Variants in IFIH1 observed in about 807,000 individuals in gnomAD.
The protein encoded by IFIH1 is interferon induced with helicase C domain 1.
IFIH1 carries 125 observed loss-of-function variants against 107.4 expected under a neutral mutation model. That is an observed-to-expected ratio of 1.16 (90% confidence interval 1.01 to 1.35). The LOEUF is 1.35. IFIH1 is among the 40% of genes most tolerant of loss of function. IFIH1 has a pLI of 0.00. For missense variants in IFIH1, 1,333 were observed against 1,213.7 expected (o/e 1.10, Z -1.46); for synonymous variants, 458 against 413.2 (o/e 1.11, Z -1.31).
chr2:162,280,912 A>G (rs962222807), intron 7 of IFIH1, among the ~76,000 whole-genome samples: 4 of 152,038 alleles, frequency 2.6e-5, no homozygotes, highest in African/African-American at 9.7e-5. Flanking sequence ...AATTACCTAG[A>G]TTCCTAGAAT....
chr2:162,286,413 A>C (rs1049793166), intron 5 of IFIH1, among the ~76,000 whole-genome samples: 3 of 151,940 alleles, frequency 2.0e-5, no homozygotes, highest in African/African-American at 7.2e-5. Flanking sequence ...CCTTGATATT[A>C]GGAAGTTACC....
At chr2:162,315,667 A>C (rs1180097900) in intron 1 of IFIH1, among the ~76,000 whole-genome samples, 1 of 152,234 alleles carries the variant, frequency 6.6e-6, no homozygotes, top group African/African-American at 2.4e-5. Flanking sequence ...AAAGTAACGC[A>C]TATAGTAAGA....
At position 162,277,565 on chromosome 2, in the gene IFIH1, C is replaced by T; in HGVS notation, c.1894G>A (p.Glu632Lys). The change falls in exon 10 of 16, where the codon GAA (glutamate) becomes AAA (lysine). Residue 632 changes from glutamate (E) to lysine (K), a missense_variant. Physicochemically the swap from Glu to Lys is moderately conservative, Grantham distance 56 (BLOSUM62 1). Transcript: ENST00000649979. ...ACTGCAAACTTCTTATCTTTCTCTT[C>T]ATTATAGAAAGTTTCAAGATGAGTA... ...AYTHLETFYN[E>K]EKDKKFAVIE... 1 of 1,605,132 alleles carries T rather than the reference C, an allele frequency of 6.2e-7. No homozygotes were observed. Among genetic ancestry groups the T allele is most frequent in the East Asian group, 2.2e-5 (1 of 44,788 alleles).
chr2:162,282,280 G>T (rs34513934), intron 6 of IFIH1, 86 bp downstream of exon 6: 16 of 818,042 alleles, frequency 2.0e-5, no homozygotes, highest in Non-Finnish European at 2.8e-5. Context: ...TTTAAGCCAC[G>T]AACATTTAAA....
chr2:162,290,943 G>A lies in IFIH1; in HGVS notation c.875-2588C>T, dbSNP rs1024548386. ...GTTTTCTCTTCTGTGTCAGCAGAAG[G>A]AGAGAACTGGGCTGGTATCAATGAG... On this transcript the variant is annotated intron_variant, in intron 4 of 15. Coordinates refer to ENST00000649979, the MANE Select transcript of IFIH1 (RefSeq NM_022168.4). 8.6e-5 allele frequency among the ~76,000 whole-genome samples: 13 copies of A among 151,938 alleles called. No homozygotes were observed. In the East Asian group the frequency reaches 2.3e-3, roughly 27 times the overall value.
chr2:162,273,655 TA>T, intron 12 of IFIH1, 139 bp downstream of exon 12: 1 of 642,952 alleles, frequency 1.6e-6, no homozygotes, highest in Non-Finnish European at 2.6e-6. Context: ...CACAGCATTT[TA>T]AAAATGCTCT....
At chr2:162,268,384 C>T in intron 13 of IFIH1, 107 bp from the exon 14 acceptor site, 1 of 666,618 alleles carries the variant, frequency 1.5e-6, no homozygotes, top group Non-Finnish European at 2.5e-6. Flanking sequence ...AAAATATACC[C>T]TTAGCTTATG....
At chr2:162,276,664 GT>G (rs777991768) in intron 11 of IFIH1, 22 bp downstream of exon 11, 7 of 1,577,844 alleles carry the variant, frequency 4.4e-6, no homozygotes, top group Non-Finnish European at 6.0e-6. Context: ...AAGAAAAGAA[GT>G]CGTCCAAAAG....
Position 162,310,693 on chromosome 2 carries a change from T to C in IFIH1, c.622+72A>G, listed in dbSNP as rs746126941. 3.1e-6 allele frequency: 4 copies of C among 1,288,182 alleles called. No homozygotes were observed. The South Asian group carries it at 4.9e-5, about 16-fold the overall frequency. The allele number at this position is 1,288,182 out of a possible 1,614,324, so 79.8% of individuals were successfully genotyped here. A position where few individuals can be genotyped will look rare whatever the true frequency, so the allele number is the denominator to read the frequency against. ...AAAAATCTTGGTGTTTAGCATTGTG[T>C]CTTTCTGCTTTATTGAATTCTCAAT... On this transcript the variant is annotated intron_variant, in intron 2 of 15. Transcript: ENST00000649979.
chr2:162,294,219 C>T (rs113260199), intron 3 of IFIH1, among the ~76,000 whole-genome samples: 154 of 151,968 alleles, frequency 1.0e-3, no homozygotes, highest in African/African-American at 3.5e-3. Flanking sequence ...GTACTAGAAG[C>T]TCATGTGAGG....
intron 9 of IFIH1, 108 bp downstream of exon 9, chr2:162,278,097 T>G: frequency 1.1e-6 from 1 of 899,418 alleles, no homozygotes; most frequent in Non-Finnish European, 1.7e-6. Flanking sequence ...AGAAATTCTA[T>G]TTGGAACTAC....
At chr2:162,295,765 G>A (rs576802583) in intron 3 of IFIH1, among the ~76,000 whole-genome samples, 16 of 152,062 alleles carry the variant, frequency 1.1e-4, no homozygotes, top group African/African-American at 3.9e-4. Context: ...TGTCTTGTTA[G>A]AAGCTCAGAG....
intron 3 of IFIH1, among the ~76,000 whole-genome samples, chr2:162,300,025 C>A (rs1345688905): frequency 1.3e-5 from 2 of 152,184 alleles, no homozygotes; most frequent in Non-Finnish European, 2.9e-5. Context: ...TCTCGTCAGT[C>A]TTCCTTCTTT....
At position 162,306,681 on chromosome 2, in the gene IFIH1, T is replaced by A. The variant is rs72650665; in HGVS notation, c.769+28A>T. 2.2e-3 allele frequency: 3,599 copies of A among 1,604,026 alleles called. 15 individuals are homozygous for A. Among genetic ancestry groups the A allele is most frequent in the Non-Finnish European group, 2.6e-3 (3,043 of 1,171,690 alleles). On this transcript the variant is annotated intron_variant, in intron 3 of 15. Transcript: ENST00000649979. ...GTTTTTCTGGAAGTAGTAATTACTG[T>A]ATTAAAGTACGTATGTGTTTCAAGT...
chr2:162,318,443 G>A lies in IFIH1; in HGVS notation c.-136C>T. Reference sequence around the variant, plus strand: ...CTACCGCTCTGTGCCTGACAATGACGAGGTTGTCCACAGGGCTCTCAGGCC... The same window carrying A: ...CTACCGCTCTGTGCCTGACAATGACAAGGTTGTCCACAGGGCTCTCAGGCC... On this transcript the variant is annotated 5_prime_UTR_variant, in exon 1 of 16. Transcript: ENST00000649979. 1.3e-6 allele frequency: 1 copy of A among 742,308 alleles called. No homozygotes were observed. The highest frequency in any genetic ancestry group is 2.2e-6 in the Non-Finnish European group (1 of 453,398). The allele number at this position is 742,308 out of a possible 1,614,324, so 46.0% of individuals were successfully genotyped here.
chr2:162,270,414 T>C (rs143095866), intron 13 of IFIH1, among the ~76,000 whole-genome samples: 4 of 152,340 alleles, frequency 2.6e-5, no homozygotes, highest in African/African-American at 7.2e-5. Flanking sequence ...TTGAGAAAGA[T>C]GCTCAAATTA....
intron 13 of IFIH1, 65 bp downstream of exon 13, chr2:162,272,161 T>C (rs78135835): frequency 7.6e-7 from 1 of 1,307,266 alleles, no homozygotes; most frequent in South Asian, 1.2e-5. Flanking sequence ...GTCACAGAGA[T>C]ATCAATGGCA....
chr2:162,267,659 C>T, intron 14 of IFIH1, 90 bp from the exon 15 acceptor site: 1 of 941,802 alleles, frequency 1.1e-6, no homozygotes, highest in South Asian at 1.3e-5. Context: ...AGCTCATCCG[C>T]ATGCCTGCGG....
intron 2 of IFIH1, among the ~76,000 whole-genome samples, chr2:162,308,673 T>C (rs1382203122): frequency 6.6e-6 from 1 of 152,190 alleles, no homozygotes; most frequent in Non-Finnish European, 1.5e-5. Flanking sequence ...CCACCACGCT[T>C]GGCCTGGCTC....
Sources: gnomAD v4.1 joint callset for allele counts (sites outside exome capture counted in the v4.1 genomes callset) on GRCh38, gnomAD v4.1.1 for gene constraint, MANE v1.5 for transcripts, NCBI Gene and HGNC (gene_info 2026-07-23, HGNC 2026-07-21) for gene names.